PRKG2: variants seen among roughly 807,000 people sequenced by gnomAD.
PRKG2 encodes the protein protein kinase cGMP-dependent 2.
PRKG2 carries 33 observed loss-of-function variants against 97.2 expected under a neutral mutation model. The observed-to-expected ratio is 0.34, with a 90% CI of 0.26 to 0.45. The LOEUF is 0.45. Among genes scored for constraint, PRKG2 ranks in the 20% least tolerant of loss-of-function variants. PRKG2 has a pLI of 1.00. For missense variants in PRKG2, 638 were observed against 900.0 expected (o/e 0.71, Z 3.73); for synonymous variants, 330 against 321.8 (o/e 1.03, Z -0.27).
At chr4:81,102,553 A>G (rs1258464835) in intron 17 of PRKG2, among the ~76,000 whole-genome samples, 1 of 152,218 alleles carries the variant, frequency 6.6e-6, no homozygotes, top group Non-Finnish European at 1.5e-5. Flanking sequence ...TGAGCTTTAC[A>G]GCTGAAGGCA....
intron 12 of PRKG2, among the ~76,000 whole-genome samples, chr4:81,138,038 C>T (rs1746885502): frequency 6.6e-6 from 1 of 152,158 alleles, no homozygotes; most frequent in Non-Finnish European, 1.5e-5. Flanking sequence ...TAGAATTGGG[C>T]TATGTTTTAG....
At chr4:81,180,557 TATC>T (rs1751316520) in intron 2 of PRKG2, among the ~76,000 whole-genome samples, 1 of 152,316 alleles carries the variant, frequency 6.6e-6, no homozygotes, top group African/African-American at 2.4e-5. Flanking sequence ...TTCATATTTA[TATC>T]ATCAAGAATA....
chr4:81,149,460 T>C (rs900983017), intron 8 of PRKG2, among the ~76,000 whole-genome samples: 12 of 152,186 alleles, frequency 7.9e-5, no homozygotes, highest in African/African-American at 2.7e-4. Flanking sequence ...AAAGTGTATA[T>C]TTTTCCATTA....
At chr4:81,090,009 C>T (rs1741388409) in intron 18 of PRKG2, among the ~76,000 whole-genome samples, 1 of 152,138 alleles carries the variant, frequency 6.6e-6, no homozygotes, top group African/African-American at 2.4e-5. Flanking sequence ...TAGATTTGGT[C>T]ACCAGATAAC....
At chr4:81,191,123 T>C (rs1406334223) in intron 2 of PRKG2, among the ~76,000 whole-genome samples, 1 of 151,832 alleles carries the variant, frequency 6.6e-6, no homozygotes, top group East Asian at 1.9e-4. Flanking sequence ...ACTATAAAGA[T>C]ACACACACAC....
chr4:81,161,023 CTT>C (rs993741993), intron 6 of PRKG2, among the ~76,000 whole-genome samples: 10 of 152,280 alleles, frequency 6.6e-5, no homozygotes, highest in African/African-American at 1.2e-4. Context: ...ATTGCTCTCT[CTT>C]GTTTTTCTTT....
intron 14 of PRKG2, among the ~76,000 whole-genome samples, chr4:81,126,970 C>T (rs192429953): frequency 3.9e-5 from 6 of 152,258 alleles, no homozygotes; most frequent in African/African-American, 1.4e-4. Context: ...AATGGTACCG[C>T]CTAGGTTTCC....
chr4:81,152,769 T>C (rs2110059204), intron 7 of PRKG2, among the ~76,000 whole-genome samples: 1 of 152,218 alleles, frequency 6.6e-6, no homozygotes, highest in East Asian at 1.9e-4. Flanking sequence ...TCACCAAGAA[T>C]TATTTCAAAG....
chr4:81,121,290 G>C (rs1745045540), intron 14 of PRKG2, among the ~76,000 whole-genome samples: 1 of 151,920 alleles, frequency 6.6e-6, no homozygotes, highest in Non-Finnish European at 1.5e-5. Context: ...TCTGCTTTTG[G>C]TATTAGAGTA....
intron 1 of PRKG2, among the ~76,000 whole-genome samples, chr4:81,211,818 T>C (rs1753990345): frequency 6.6e-6 from 1 of 152,194 alleles, no homozygotes; most frequent in Admixed American, 6.5e-5. Flanking sequence ...TATGTAACAC[T>C]GCAATGTCCT....
rs146408307 is a variant in PRKG2, at chr4:81,169,702, G to A, written c.809C>T (p.Ala270Val). 3 of 1,609,394 alleles carry A rather than the reference G, an allele frequency of 1.9e-6. No individual in the cohort carries two copies. Among genetic ancestry groups the A allele is most frequent in the African/African-American group, 2.7e-5 (2 of 74,678 alleles). The change falls in exon 5 of 19, where the codon GCC (alanine) becomes GTC (valine). Residue 270 changes from alanine to valine, a missense_variant. Transcript: ENST00000264399. ...EVFQNIMRRT[A>V]QARDEQYRNF... is the part of the protein sequence containing the mutation. ...TCTGTATTGTTCATCTCTAGCTTGG[G>A]CTGTCCTCCTCATTATATTCTGGAA...
intron 6 of PRKG2, among the ~76,000 whole-genome samples, chr4:81,164,728 A>G (rs1029279725): frequency 1.3e-5 from 2 of 152,126 alleles, no homozygotes; most frequent in African/African-American, 4.8e-5. Flanking sequence ...ACCACAGGCA[A>G]TCTGACTAAG....
At chr4:81,118,027 A>C (rs1014559173) in intron 14 of PRKG2, among the ~76,000 whole-genome samples, 13 of 152,056 alleles carry the variant, frequency 8.5e-5, no homozygotes, top group African/African-American at 3.1e-4. Context: ...CCCACCAACC[A>C]CTAATCTTTT....
chr4:81,159,098 A>C (rs1749377955), intron 6 of PRKG2, among the ~76,000 whole-genome samples: 1 of 152,210 alleles, frequency 6.6e-6, no homozygotes. Flanking sequence ...ACAAAAGCCA[A>C]AATTGACAAA....
In PRKG2 at chr4:81,215,042, C is replaced by G. The variant is rs980173865; in HGVS notation, c.-120G>C. 3.3e-5 allele frequency: 5 copies of G among 152,526 alleles called. No individual in the cohort carries two copies. Among genetic ancestry groups the G allele is most frequent in the Admixed American group, 6.5e-5 (1 of 15,292 alleles). The allele number at this position is 152,526 out of a possible 1,614,324, so 9.4% of individuals were successfully genotyped here. A position where few individuals can be genotyped will look rare whatever the true frequency, so the allele number is the denominator to read the frequency against. ...CGCCCTCCCCAGCCGCCTGCGGCGC[C>G]GGAGCCCAGCGCAGGTCAGCTCAGC... On this transcript the variant is annotated 5_prime_UTR_variant, in exon 1 of 19. Transcript: ENST00000264399.
At chr4:81,131,727 G>C (rs1299321377) in intron 14 of PRKG2, among the ~76,000 whole-genome samples, 1 of 152,052 alleles carries the variant, frequency 6.6e-6, no homozygotes, top group Non-Finnish European at 1.5e-5. Context: ...AGTTGTTTCA[G>C]CAATGTTTTT....
intron 2 of PRKG2, among the ~76,000 whole-genome samples, chr4:81,185,079 C>T (rs1444227477): frequency 6.6e-6 from 1 of 152,064 alleles, no homozygotes; most frequent in Admixed American, 6.6e-5. Context: ...GGAGAACTTC[C>T]CCAACCTAGC....
intron 15 of PRKG2, among the ~76,000 whole-genome samples, chr4:81,107,140 G>A (rs1304123994): frequency 6.6e-6 from 1 of 152,180 alleles, no homozygotes; most frequent in Non-Finnish European, 1.5e-5. Context: ...TTTCCTAAGA[G>A]GAGAAAGACG....
At chr4:81,195,094 T>C (rs971734686) in intron 2 of PRKG2, among the ~76,000 whole-genome samples, 2 of 152,008 alleles carry the variant, frequency 1.3e-5, no homozygotes, top group East Asian at 1.9e-4. Flanking sequence ...TGGAAGAGAG[T>C]TGAAGTTGTC....
Sources: allele counts gnomAD v4.1 joint callset (sites outside exome capture counted in the v4.1 genomes callset), GRCh38; gene constraint gnomAD v4.1.1; transcripts MANE v1.5; gene names NCBI Gene and HGNC (gene_info 2026-07-23, HGNC 2026-07-21).